Variants in PLEKHM3 observed in about 807,000 individuals in gnomAD.
PLEKHM3 encodes the protein pleckstrin homology domain-containing family M member 3.
Under a neutral mutation model 81.8 loss-of-function variants are expected in PLEKHM3, and 45 were observed. The observed-to-expected ratio is 0.55, with a 90% CI of 0.43 to 0.71. The LOEUF is 0.71. Among genes scored for constraint, PLEKHM3 ranks in the 30% least tolerant of loss-of-function variants. The pLI is 0.00. For synonymous variants in PLEKHM3, 352 were observed against 356.4 expected, an observed-to-expected ratio of 0.99 and a Z score of 0.14; for missense variants, 788 against 924.3, an observed-to-expected ratio of 0.85 and a Z score of 1.91.
chr2:207,942,624 G>C (rs1035552093), intron 4 of PLEKHM3, among the ~76,000 whole-genome samples: 6 of 152,138 alleles, frequency 3.9e-5, no homozygotes, highest in African/African-American at 1.4e-4. Flanking sequence ...AAGCCAGCTC[G>C]GCCCGGTGGC....
intron 6 of PLEKHM3, among the ~76,000 whole-genome samples, chr2:207,895,726 G>A (rs937702226): frequency 1.3e-5 from 2 of 152,162 alleles, no homozygotes; most frequent in South Asian, 2.1e-4. Flanking sequence ...GAGGAAACCC[G>A]CTAGGTGGCA....
At chr2:207,993,683 C>T (rs965775803) in intron 2 of PLEKHM3, among the ~76,000 whole-genome samples, 2 of 151,978 alleles carry the variant, frequency 1.3e-5, no homozygotes, top group African/African-American at 4.8e-5. Flanking sequence ...TACCAGGTCA[C>T]CAGAGAGTGA....
chr2:208,011,079 A>AC (rs919838735), intron 1 of PLEKHM3, among the ~76,000 whole-genome samples: 7 of 151,860 alleles, frequency 4.6e-5, no homozygotes, highest in African/African-American at 1.7e-4. Context: ...AAAAAAAAAA[A>AC]AAAACAAAAT....
At chr2:207,865,877 A>G (rs1244639897) in intron 6 of PLEKHM3, among the ~76,000 whole-genome samples, 1 of 130,606 alleles carries the variant, frequency 7.7e-6, no homozygotes, top group African/African-American at 2.8e-5. Context: ...TGGAGCTTTC[A>G]TGTAAATATG....
At chr2:207,828,861 C>T (rs946269604) in intron 7 of PLEKHM3, among the ~76,000 whole-genome samples, 2 of 152,088 alleles carry the variant, frequency 1.3e-5, no homozygotes, top group East Asian at 1.9e-4. Context: ...GGGAGTGCCT[C>T]GTGAAAACGC....
intron 5 of PLEKHM3, among the ~76,000 whole-genome samples, chr2:207,923,855 G>GCGCGCA (rs1257171999): frequency 1.1e-4 from 2 of 18,896 alleles, no homozygotes; most frequent in Non-Finnish European, 2.2e-4. Context: ...ACACACGCAC[G>GCGCGCA]CACACACACA....
chr2:207,867,087 C>T (rs2092505660), intron 6 of PLEKHM3, among the ~76,000 whole-genome samples: 1 of 152,194 alleles, frequency 6.6e-6, no homozygotes, highest in East Asian at 1.9e-4. Context: ...TCCAGGCACC[C>T]AAGTTCTTGT....
chr2:207,824,048 C>T lies in PLEKHM3; in HGVS notation c.*4271G>A, dbSNP rs145517504. 1 of 152,302 alleles carries T rather than the reference C, an allele frequency of 6.6e-6. No individual in the cohort carries two copies. Among genetic ancestry groups the T allele is most frequent in the Admixed American group, 6.5e-5 (1 of 15,304 alleles). The allele number at this position is 152,302 out of a possible 1,614,324, so 9.4% of individuals were successfully genotyped here. ...TTAGTCACCCATCACTGGATTCGAC[C>T]TCGAGCAGACAGCTCTACCTGACTC... On this transcript the variant is annotated 3_prime_UTR_variant, in exon 8 of 8. Coordinates refer to ENST00000427836, the MANE Select transcript of PLEKHM3 (RefSeq NM_001080475.3).
At chr2:207,834,569 G>A (rs907114996) in intron 7 of PLEKHM3, among the ~76,000 whole-genome samples, 2 of 151,960 alleles carry the variant, frequency 1.3e-5, no homozygotes, top group African/African-American at 4.8e-5. Flanking sequence ...GGGATTACAG[G>A]CATGTGCCAC....
Position 207,822,825 on chromosome 2 carries a change from A to C in PLEKHM3, c.*5494T>G, listed in dbSNP as rs2092226219. The stretch of plus-strand genomic sequence containing the variant: ...GACTAGACTAGAAGCACGAGACAGT[A>C]CTATAAGGCACTCCTACAGGGACAA... On this transcript the variant is annotated 3_prime_UTR_variant, in exon 8 of 8. Coordinates refer to ENST00000427836, the MANE Select transcript of PLEKHM3 (RefSeq NM_001080475.3). 1.3e-5 allele frequency: 2 copies of C among 152,280 alleles called. No homozygotes were observed. The highest frequency in any genetic ancestry group is 2.9e-5 in the Non-Finnish European group (2 of 68,090). 9.4% of individuals were successfully genotyped at this position (152,280 alleles called of 1,614,324 possible).
rs142600735 is a variant in PLEKHM3 at position 207,947,707 on chromosome 2, C to G, written c.1547-1195G>C. On this transcript the variant is annotated intron_variant, in intron 3 of 7. Coordinates refer to ENST00000427836, the MANE Select transcript of PLEKHM3 (RefSeq NM_001080475.3). ...GCAAAAATGAATTACTCTTTCAGTA[C>G]TACTACAATTACTACTACAACTACG... Among the ~76,000 whole-genome samples, 7 of 152,334 alleles carry G rather than the reference C, an allele frequency of 4.6e-5. No homozygotes were observed. In the East Asian group the frequency reaches 1.2e-3, roughly 25 times the overall value.
intron 6 of PLEKHM3, among the ~76,000 whole-genome samples, chr2:207,861,821 G>GT (rs1056162104): frequency 6.1e-4 from 93 of 152,180 alleles, no homozygotes; most frequent in African/African-American, 2.1e-3. Context: ...CAGCCTGTAG[G>GT]TTTTTTTCTT....
rs1488222185 is a variant in PLEKHM3, at chr2:207,822,671, A to G, written c.*5648T>C. 6.6e-6 allele frequency: 1 copy of G among 152,446 alleles called. No individual in the cohort carries two copies. The highest frequency in any genetic ancestry group is 1.5e-5 in the Non-Finnish European group (1 of 68,054). 9.4% of individuals were successfully genotyped at this position (152,446 alleles called of 1,614,324 possible). A position where few individuals can be genotyped will look rare whatever the true frequency, so the allele number is the denominator to read the frequency against. ...AGGTTAAGGCACACCAGGCTGAACA[A>G]GGTGAGAGTTCTGACATGCATCATG... On this transcript the variant is annotated 3_prime_UTR_variant, in exon 8 of 8. Coordinates refer to ENST00000427836, the MANE Select transcript of PLEKHM3 (RefSeq NM_001080475.3).
intron 2 of PLEKHM3, among the ~76,000 whole-genome samples, chr2:207,984,891 C>T (rs944391084): frequency 6.6e-6 from 1 of 151,682 alleles, no homozygotes; most frequent in Non-Finnish European, 1.5e-5. Context: ...CTTCAATGTT[C>T]CTGTTTCCCA....
intron 7 of PLEKHM3, among the ~76,000 whole-genome samples, chr2:207,838,295 C>G (rs920819431): frequency 6.6e-6 from 1 of 152,044 alleles, no homozygotes; most frequent in African/African-American, 2.4e-5. Context: ...ATTGGTATGT[C>G]CTGCAATGCT....
chr2:208,007,645 T>C (rs751325865), intron 1 of PLEKHM3, among the ~76,000 whole-genome samples: 50 of 151,818 alleles, frequency 3.3e-4, no homozygotes, highest in Non-Finnish European at 5.9e-4. Flanking sequence ...GGGCTGGAGG[T>C]GGTGGCTCAC....
intron 6 of PLEKHM3, among the ~76,000 whole-genome samples, chr2:207,877,219 GAA>G (rs1313362449): frequency 2.0e-5 from 3 of 152,142 alleles, no homozygotes; most frequent in African/African-American, 7.2e-5. Flanking sequence ...AATCTAAATA[GAA>G]AAGAGTCCTA....
chr2:207,912,543 G>A (rs1248848517), intron 5 of PLEKHM3, among the ~76,000 whole-genome samples: 1 of 152,196 alleles, frequency 6.6e-6, no homozygotes, highest in Non-Finnish European at 1.5e-5. Context: ...AAGAGATTTA[G>A]TGGTGGCCAT....
At chr2:207,937,137 C>T (rs1427849597) in intron 4 of PLEKHM3, among the ~76,000 whole-genome samples, 1 of 152,056 alleles carries the variant, frequency 6.6e-6, no homozygotes, top group Non-Finnish European at 1.5e-5. Flanking sequence ...GAACCTTGAA[C>T]TTTCTGAAAG....
Sources: gnomAD v4.1 joint callset for allele counts (sites outside exome capture counted in the v4.1 genomes callset) on GRCh38, gnomAD v4.1.1 for gene constraint, MANE v1.5 for transcripts, NCBI Gene and HGNC (gene_info 2026-07-23, HGNC 2026-07-21) for gene names.